CDH13: variants seen among roughly 807,000 people sequenced by gnomAD.
The protein encoded by CDH13 is cadherin 13.
In CDH13, 24 loss-of-function variants were observed where a neutral mutation model predicts 63.8. The observed-to-expected ratio is 0.38, with a 90% CI of 0.27 to 0.53. The LOEUF (loss-of-function observed/expected upper bound fraction) is 0.53. Among genes scored for constraint, CDH13 ranks in the 20% least tolerant of loss-of-function variants. The probability of loss-of-function intolerance (pLI) is 0.85; values close to 1 mark genes in which losing one functional copy is unlikely to be tolerated. For missense variants in CDH13, 1,049 were observed against 903.1 expected (o/e 1.16, Z -2.07); for synonymous variants, 503 against 355.3 (o/e 1.42, Z -4.67).
At chr16:83,674,208 T>C (rs1914759165) in intron 9 of CDH13, among the ~76,000 whole-genome samples, 5 of 152,216 alleles carry the variant, frequency 3.3e-5, no homozygotes, top group Admixed American at 3.3e-4. Flanking sequence ...AGAATTTTTA[T>C]AACTAGATGA....
At chr16:83,230,786 A>G (rs2039980595) in intron 5 of CDH13, among the ~76,000 whole-genome samples, 1 of 152,224 alleles carries the variant, frequency 6.6e-6, no homozygotes, top group Non-Finnish European at 1.5e-5. Flanking sequence ...ACTCTGTCTC[A>G]AAGTTATCCC....
chr16:82,998,538 T>C (rs1912502221), intron 2 of CDH13, among the ~76,000 whole-genome samples: 1 of 152,128 alleles, frequency 6.6e-6, no homozygotes, highest in Admixed American at 6.6e-5. Context: ...GTCCAGGAAA[T>C]ACTCTTGACT....
At chr16:82,729,576 G>A (rs968969102) in intron 1 of CDH13, among the ~76,000 whole-genome samples, 4 of 152,016 alleles carry the variant, frequency 2.6e-5, no homozygotes, top group East Asian at 3.9e-4. Context: ...CTGTTAGACA[G>A]GCTTTTTAAA....
At chr16:83,114,260 T>G (rs1370041337) in intron 3 of CDH13, among the ~76,000 whole-genome samples, 1 of 152,216 alleles carries the variant, frequency 6.6e-6, no homozygotes, top group East Asian at 1.9e-4. Flanking sequence ...ACGCCTCTGA[T>G]GTGTGACTTT....
rs1025545819 is a variant in CDH13 at position 83,550,531 on chromosome 16, G to A, written c.961-51923G>A. 7.9e-5 allele frequency among the ~76,000 whole-genome samples: 12 copies of A among 152,194 alleles called. No individual in the cohort carries two copies. The South Asian group carries it at 8.3e-4, about 11-fold the overall frequency. On this transcript the variant is annotated intron_variant, in intron 7 of 13. Coordinates refer to ENST00000567109, the MANE Select transcript of CDH13 (RefSeq NM_001257.5). ...AGCAGTTAATCCGATGGCAAATTCC[G>A]CTCATAATGGAAGAGCTGGCCCATG...
chr16:83,419,761 A>G (rs1292828963), intron 6 of CDH13, among the ~76,000 whole-genome samples: 1 of 152,218 alleles, frequency 6.6e-6, no homozygotes, highest in African/African-American at 2.4e-5. Flanking sequence ...TATGAAATAT[A>G]TATTATAAAA....
At chr16:83,542,958 G>A (rs2075320881) in intron 7 of CDH13, among the ~76,000 whole-genome samples, 2 of 152,076 alleles carry the variant, frequency 1.3e-5, no homozygotes, top group African/African-American at 2.4e-5. Context: ...TTTTTGAGGG[G>A]ACATAATTCA....
At chr16:82,807,339 G>T (rs541250328) in intron 1 of CDH13, among the ~76,000 whole-genome samples, 1 of 152,140 alleles carries the variant, frequency 6.6e-6, no homozygotes, top group African/African-American at 2.4e-5. Flanking sequence ...AAAGAAAATA[G>T]GGTATTTGTT....
chr16:83,542,642 T>C (rs1039257316), intron 7 of CDH13, among the ~76,000 whole-genome samples: 1 of 152,278 alleles, frequency 6.6e-6, no homozygotes, highest in Non-Finnish European at 1.5e-5. Flanking sequence ...CAGGGGAGAA[T>C]CCTTCCTTGT....
intron 6 of CDH13, among the ~76,000 whole-genome samples, chr16:83,423,405 C>G (rs957535630): frequency 1.3e-5 from 2 of 152,018 alleles, no homozygotes; most frequent in South Asian, 2.1e-4. Context: ...ATTGTGTGAT[C>G]TGTCTTCTTC....
intron 7 of CDH13, among the ~76,000 whole-genome samples, chr16:83,505,457 C>T (rs1021532678): frequency 3.3e-5 from 5 of 151,460 alleles, no homozygotes; most frequent in African/African-American, 1.2e-4. Context: ...ATGTGAGCAC[C>T]AAAGGGAACA....
chr16:83,083,260 T>C (rs1157471141), intron 3 of CDH13, among the ~76,000 whole-genome samples: 1 of 152,236 alleles, frequency 6.6e-6, no homozygotes, highest in African/African-American at 2.4e-5. Context: ...CTGGTGTTTT[T>C]ATGTGTAGTC....
At chr16:83,762,768 C>T (rs547637555) in intron 11 of CDH13, among the ~76,000 whole-genome samples, 2 of 152,252 alleles carry the variant, frequency 1.3e-5, no homozygotes, top group South Asian at 2.1e-4. Flanking sequence ...CTTTCCCCCT[C>T]CTCTTGCTTG....
chr16:82,822,718 C>G (rs115125480), intron 1 of CDH13, among the ~76,000 whole-genome samples: 2,342 of 152,332 alleles, frequency 0.015, 60 homozygotes, highest in African/African-American at 0.052. Context: ...TAGTCTTGAA[C>G]TTCTGGGCTC....
intron 1 of CDH13, among the ~76,000 whole-genome samples, chr16:82,687,677 G>T (rs1915217845): frequency 1.3e-5 from 2 of 152,078 alleles, no homozygotes; most frequent in Non-Finnish European, 2.9e-5. Flanking sequence ...GACATGTGGG[G>T]ATTATTACAA....
chr16:83,306,658 C>T (rs1443786689), intron 5 of CDH13, among the ~76,000 whole-genome samples: 3 of 152,226 alleles, frequency 2.0e-5, no homozygotes, highest in Non-Finnish European at 4.4e-5. Context: ...TTTTATTTGA[C>T]TAGACTATAG....
chr16:83,286,493 C>T lies in CDH13; in HGVS notation c.637-58369C>T, dbSNP rs1041395959. Among the ~76,000 whole-genome samples the T allele has an allele frequency of 2.0e-5, 3 of 152,198 alleles. No homozygotes were observed. In the East Asian group the frequency reaches 5.8e-4, roughly 29 times the overall value. On this transcript the variant is annotated intron_variant, in intron 5 of 13. Transcript: ENST00000567109. ...ATTTAAAAATATATCCTATTCTTCA[C>T]ACCTGTAATCCCAGCACTTTGGGAG...
intron 2 of CDH13, chr16:82,858,744 A>T: frequency 1.7e-6 from 1 of 586,200 alleles, no homozygotes; most frequent in Non-Finnish European, 3.0e-6. Flanking sequence ...GCCTCCAATG[A>T]GAGTTGTACA....
intron 2 of CDH13, among the ~76,000 whole-genome samples, chr16:82,880,947 T>C (rs890754913): frequency 5.3e-5 from 8 of 152,352 alleles, no homozygotes; most frequent in Admixed American, 1.3e-4. Context: ...GGATAAACTT[T>C]GTGAGAACAA....
Sources: allele counts gnomAD v4.1 joint callset (sites outside exome capture counted in the v4.1 genomes callset), GRCh38; gene constraint gnomAD v4.1.1; transcripts MANE v1.5; gene names NCBI Gene and HGNC (gene_info 2026-07-23, HGNC 2026-07-21).